UACA: variants seen among roughly 807,000 people sequenced by gnomAD.
UACA encodes nuclear membrane binding protein.
A neutral mutation model predicts 160.5 loss-of-function variants in UACA; 112 were observed. The observed-to-expected ratio is 0.70, with a 90% CI of 0.60 to 0.82. The LOEUF (loss-of-function observed/expected upper bound fraction) is 0.82, where lower values mean the gene tolerates loss of function less well. Among genes scored for constraint, UACA ranks in the 40% least tolerant of loss-of-function variants. UACA has a pLI of 0.00. For synonymous variants in UACA, 557 were observed against 568.4 expected (o/e 0.98, Z 0.29); for missense variants, 1,574 against 1,614.6 (o/e 0.97, Z 0.43).
intron 1 of UACA, among the ~76,000 whole-genome samples, chr15:70,709,115 CT>C (rs1286202629): frequency 1.3e-5 from 2 of 152,182 alleles, no homozygotes; most frequent in Non-Finnish European, 2.9e-5. Flanking sequence ...ATCAACATAT[CT>C]TGGTGAGTCC....
intron 1 of UACA, among the ~76,000 whole-genome samples, chr15:70,759,151 C>CAGA (rs1168023652): frequency 6.6e-6 from 1 of 152,160 alleles, no homozygotes; most frequent in East Asian, 1.9e-4. Flanking sequence ...AAAATGTCTG[C>CAGA]TTACAATATC....
chr15:70,678,916 T>A (rs11854529), intron 10 of UACA, among the ~76,000 whole-genome samples: 3 of 152,138 alleles, frequency 2.0e-5, no homozygotes, highest in African/African-American at 7.2e-5. Flanking sequence ...TTTTTAATAC[T>A]ATAATTTTCT....
rs761511146 is a variant in UACA at position 70,684,332 on chromosome 15, A to G, written c.717T>C (p.Tyr239=). The G allele has an allele frequency of 1.2e-5, 20 of 1,613,798 alleles. No homozygotes were observed. The East Asian group carries it at 4.5e-4, about 36-fold the overall frequency. The change falls in exon 8 of 19, where the codon TAT becomes TAC. Residue 239 remains tyrosine (Y), a synonymous_variant. Transcript: ENST00000322954. Reference sequence around the variant, plus strand: ...TGTCCAGATTGTCACCAATTCTTGCATAGTAAGAACTATCATGGCCAAGCG... The same window carrying G: ...TGTCCAGATTGTCACCAATTCTTGCGTAGTAAGAACTATCATGGCCAAGCG... ...LDALGHDSSY[Y]ARIGDNLDIL...
Position 70,667,203 on chromosome 15 carries a change from T to C in UACA, c.3481A>G (p.Asn1161Asp), listed in dbSNP as rs752497204. 1.9e-6 allele frequency: 3 copies of C among 1,613,920 alleles called. No individual in the cohort carries two copies. Among genetic ancestry groups the C allele is most frequent in the Non-Finnish European group, 1.7e-6 (2 of 1,179,960 alleles). The change falls in exon 16 of 19, where the codon AAC becomes GAC. Residue 1161 changes from asparagine (N) to aspartate (D), a missense_variant. By Grantham distance (23) the Asn-to-Asp change is conservative. Coordinates refer to ENST00000322954, the MANE Select transcript of UACA (RefSeq NM_018003.4). Reference sequence around the variant, plus strand: ...TGCTCTGCCAGGGGTACAGAAGAGTTCTTTTGATTCTCCAACAATTGATGC... The same window carrying C: ...TGCTCTGCCAGGGGTACAGAAGAGTCCTTTTGATTCTCCAACAATTGATGC... ...KLHQLLENQK[N>D]SSVPLAEHLQ...
intron 2 of UACA, 92 bp downstream of exon 2, chr15:70,699,435 G>A: frequency 2.1e-6 from 3 of 1,419,296 alleles, no homozygotes; most frequent in Non-Finnish European, 1.9e-6. Context: ...TTCTTAATAA[G>A]TAAGTTGATA....
In UACA at chr15:70,727,632, G is replaced by A. The variant is rs562866364; in HGVS notation, c.79-27972C>T. The stretch of plus-strand genomic sequence containing the variant: ...TCCTATTAAACTTTTTATTTGTCTC[G>A]TTCAGGTTTAATTGGTTAAAATTAA... On this transcript the variant is annotated intron_variant, in intron 1 of 18. Coordinates refer to ENST00000322954, the MANE Select transcript of UACA (RefSeq NM_018003.4). Among the ~76,000 whole-genome samples, 20 of 151,926 alleles carry A rather than the reference G, an allele frequency of 1.3e-4. No homozygotes were observed. The South Asian group carries it at 2.3e-3, about 17-fold the overall frequency.
intron 1 of UACA, chr15:70,758,739 T>C (rs1040342575): frequency 1.2e-4 from 18 of 152,242 alleles, no homozygotes; most frequent in Non-Finnish European, 1.8e-4. Context: ...TGAGGCATTA[T>C]AGCAAGATGC....
Position 70,656,722 on chromosome 15 carries a change from G to A in UACA, c.*334C>T, listed in dbSNP as rs978777572. The A allele has an allele frequency of 2.7e-5, 5 of 186,958 alleles. No individual in the cohort carries two copies. The Admixed American group carries it at 2.8e-4, about 10-fold the overall frequency. The allele number at this position is 186,958 out of a possible 1,614,324, so 11.6% of individuals were successfully genotyped here. On this transcript the variant is annotated 3_prime_UTR_variant, in exon 19 of 19. Coordinates refer to ENST00000322954, the MANE Select transcript of UACA (RefSeq NM_018003.4). Reference sequence around the variant, plus strand: ...TAATTTCTCTGAAAGACATCTTTAAGCAATTATTTCAGCCTAACCTCGCTT... The same window carrying A: ...TAATTTCTCTGAAAGACATCTTTAAACAATTATTTCAGCCTAACCTCGCTT...
chr15:70,756,857 A>C (rs890154299), intron 1 of UACA, among the ~76,000 whole-genome samples: 1 of 152,244 alleles, frequency 6.6e-6, no homozygotes, highest in Non-Finnish European at 1.5e-5. Context: ...GGGGCAACAG[A>C]GTGAGACTTC....
intron 1 of UACA, among the ~76,000 whole-genome samples, chr15:70,709,949 C>A (rs1595903507): frequency 6.6e-6 from 1 of 152,138 alleles, no homozygotes; most frequent in Non-Finnish European, 1.5e-5. Context: ...ATTCACTGAT[C>A]TTAATAATTT....
upstream of UACA, among the ~76,000 whole-genome samples, chr15:70,765,809 A>G (rs1284246082): frequency 1.3e-5 from 2 of 152,326 alleles, no homozygotes; most frequent in African/African-American, 2.4e-5. Context: ...TTGTGTCTCA[A>G]TCAACTCCTT....
At chr15:70,689,426 G>A (rs1269024548) in intron 5 of UACA, among the ~76,000 whole-genome samples, 2 of 152,116 alleles carry the variant, frequency 1.3e-5, no homozygotes, top group Middle Eastern at 3.2e-3. Context: ...TTAACTTACA[G>A]GGGTCATTGT....
chr15:70,703,568 A>G, intron 1 of UACA, among the ~76,000 whole-genome samples: 1 of 152,216 alleles, frequency 6.6e-6, no homozygotes, highest in East Asian at 1.9e-4. Flanking sequence ...CTTTGAGGAA[A>G]TCTTTGTTAG....
chr15:70,696,925 C>T (rs952270047), intron 2 of UACA, among the ~76,000 whole-genome samples: 7 of 152,052 alleles, frequency 4.6e-5, no homozygotes, highest in Admixed American at 1.3e-4. Flanking sequence ...AACAAATCTA[C>T]AATGCATTAG....
intron 1 of UACA, among the ~76,000 whole-genome samples, chr15:70,716,757 AT>A (rs1208396769): frequency 6.6e-6 from 1 of 152,102 alleles, no homozygotes; most frequent in African/African-American, 2.4e-5. Flanking sequence ...TAGAAAAAGT[AT>A]TTTTCCTCTT....
At chr15:70,672,842 C>T (rs1897183405) in intron 13 of UACA, among the ~76,000 whole-genome samples, 1 of 152,122 alleles carries the variant, frequency 6.6e-6, no homozygotes, top group African/African-American at 2.4e-5. Context: ...TGCCTGTAAT[C>T]CCAGCACTTC....
chr15:70,726,585 T>C (rs1042878514), intron 1 of UACA, among the ~76,000 whole-genome samples: 7 of 152,202 alleles, frequency 4.6e-5, no homozygotes, highest in Admixed American at 6.5e-5. Context: ...CTCAGCATCC[T>C]GAAAAGGTTT....
intron 1 of UACA, chr15:70,754,048 C>T (rs1309464162): frequency 2.0e-5 from 9 of 449,808 alleles, no homozygotes; most frequent in Admixed American, 1.2e-4. Context: ...TCAAGTGATC[C>T]GCCCACCTCG....
chr15:70,769,920 C>T, the UACA span, among the ~76,000 whole-genome samples: 1 of 152,186 alleles, frequency 6.6e-6, no homozygotes, highest in African/African-American at 2.4e-5. Flanking sequence ...TCGCTTGAGC[C>T]TGGGAGGCAG....
Sources: gnomAD v4.1 joint callset for allele counts (sites outside exome capture counted in the v4.1 genomes callset) on GRCh38, gnomAD v4.1.1 for gene constraint, MANE v1.5 for transcripts, NCBI Gene and HGNC (gene_info 2026-07-23, HGNC 2026-07-21) for gene names.